Variants in SAXO5 observed in about 807,000 individuals in gnomAD.
SAXO5 encodes stabilizer of axonemal microtubules 5.
At chr19:7,500,810 C>T in the SAXO5 span, 1 of 1,452,756 alleles carries the variant, frequency 6.9e-7, no homozygotes. Context: ...TCGCAGGTGG[C>T]TGGTGTCCCG....
chr19:7,506,047 A>G, the SAXO5 span: 3 of 1,613,682 alleles, frequency 1.9e-6, no homozygotes, highest in African/African-American at 4.0e-5. Context: ...AGCCAAAGCT[A>G]CTCAAACGCT....
the SAXO5 span, among the ~76,000 whole-genome samples, chr19:7,504,759 G>A: frequency 1.3e-5 from 2 of 151,666 alleles, no homozygotes; most frequent in African/African-American, 2.4e-5. Context: ...ACCCAGATGG[G>A]ACAACTGGCT....
chr19:7,503,774 C>T, the SAXO5 span, among the ~76,000 whole-genome samples: 5 of 151,822 alleles, frequency 3.3e-5, no homozygotes, highest in Non-Finnish European at 7.4e-5. Flanking sequence ...CATGAGCCAC[C>T]ACACCTGGCT....
the SAXO5 span, among the ~76,000 whole-genome samples, chr19:7,504,705 C>CA: frequency 0.014 from 2,062 of 143,078 alleles, 21 homozygotes; most frequent in Non-Finnish European, 0.023. Context: ...GACTCCATCT[C>CA]AAAAAAAAAA....
chr19:7,498,144 G>T, the SAXO5 span, among the ~76,000 whole-genome samples: 1 of 142,430 alleles, frequency 7.0e-6, no homozygotes, highest in African/African-American at 2.7e-5. Context: ...AAAAACTGTG[G>T]TTTCATTAAA....
the SAXO5 span, among the ~76,000 whole-genome samples, chr19:7,504,804 T>C: frequency 6.6e-6 from 1 of 152,078 alleles, no homozygotes; most frequent in Non-Finnish European, 1.5e-5. Flanking sequence ...CTTAGGGCTT[T>C]AGGGCCCATA....
At chr19:7,505,374 C>T in the SAXO5 span, 31 of 1,614,126 alleles carry the variant, frequency 1.9e-5, no homozygotes, top group Non-Finnish European at 2.5e-5. Flanking sequence ...AATATCCGTC[C>T]TGGTGACGGC....
chr19:7,506,163 G>A, the SAXO5 span: 2 of 1,602,206 alleles, frequency 1.2e-6, no homozygotes, highest in East Asian at 4.5e-5. Flanking sequence ...CGGGGCACGG[G>A]CGGTGAGCGC....
At chr19:7,504,162 G>A in the SAXO5 span, 1 of 1,613,926 alleles carries the variant, frequency 6.2e-7, no homozygotes, top group African/African-American at 1.3e-5. Flanking sequence ...GAGACAAGAT[G>A]GGACTTCCTA....
At chr19:7,498,629 A>G in the SAXO5 span, among the ~76,000 whole-genome samples, 2 of 152,088 alleles carry the variant, frequency 1.3e-5, no homozygotes, top group Non-Finnish European at 2.9e-5. Context: ...CTCCGACCTC[A>G]GGAGATCTGC....
At chr19:7,505,294 A>G in the SAXO5 span, 1 of 1,607,738 alleles carries the variant, frequency 6.2e-7, no homozygotes. Flanking sequence ...ACTTTACCTT[A>G]TTCTTGATGG....
the SAXO5 span, chr19:7,497,586 A>AGTG: frequency 6.6e-6 from 1 of 151,918 alleles, no homozygotes; most frequent in Non-Finnish European, 1.5e-5. Context: ...GAACATGAGG[A>AGTG]TCCTCTGAGA....
At chr19:7,504,078 C>A in the SAXO5 span, 1 of 1,383,404 alleles carries the variant, frequency 7.2e-7, no homozygotes, top group Non-Finnish European at 1.0e-6. Flanking sequence ...CAGGGAATCT[C>A]AATCTCTCTC....
At chr19:7,506,932 T>G in the SAXO5 span, 1 of 712,686 alleles carries the variant, frequency 1.4e-6, no homozygotes. Flanking sequence ...TCCATTTTTC[T>G]CCCCTGGTCA....
At chr19:7,500,858 G>C in the SAXO5 span, 1 of 1,542,926 alleles carries the variant, frequency 6.5e-7, no homozygotes. Flanking sequence ...GCTCGCGCCC[G>C]TGCCCGATGT....
the SAXO5 span, chr19:7,504,470 G>A: frequency 5.1e-4 from 699 of 1,377,728 alleles, 2 homozygotes; most frequent in Non-Finnish European, 8.6e-5. Context: ...CACTTTGGGA[G>A]GCTGAGGCAG....
At chr19:7,507,120 G>A in the SAXO5 span, 1 of 1,614,048 alleles carries the variant, frequency 6.2e-7, no homozygotes, top group Non-Finnish European at 8.5e-7. Context: ...CGGCCCCGGT[G>A]ACTGAAGAGA....
chr19:7,500,872 G>C, the SAXO5 span: 4 of 1,556,572 alleles, frequency 2.6e-6, no homozygotes. Context: ...CCGATGTCCC[G>C]GCTGGACTTC....
the SAXO5 span, chr19:7,505,525 G>C: frequency 6.2e-7 from 1 of 1,614,152 alleles, no homozygotes; most frequent in Non-Finnish European, 8.5e-7. Flanking sequence ...AGAGCCTTTT[G>C]TTCTTCACCA....
Sources: allele counts gnomAD v4.1 joint callset (sites outside exome capture counted in the v4.1 genomes callset), GRCh38; gene constraint gnomAD v4.1.1; transcripts MANE v1.5; gene names NCBI Gene and HGNC (gene_info 2026-07-23, HGNC 2026-07-21).